Variants in CAPN13 observed in about 807,000 individuals in gnomAD.
CAPN13 encodes calpain 13.
A neutral mutation model predicts 98.4 loss-of-function variants in CAPN13; 90 were observed. The observed-to-expected ratio is 0.92, with a 90% CI of 0.77 to 1.09. The LOEUF is 1.09. Among genes scored for constraint, CAPN13 ranks in the 50% least tolerant of loss-of-function variants. The probability of loss-of-function intolerance (pLI) is 0.00; values close to 1 mark genes in which losing one functional copy is unlikely to be tolerated. For synonymous variants in CAPN13, 330 were observed against 305.5 expected (o/e 1.08, Z -0.84); for missense variants, 887 against 841.3 (o/e 1.05, Z -0.67).
rs202210498 is a variant in CAPN13, at chr2:30,758,151, A to C, written c.775-14T>G. On this transcript the variant is annotated splice_polypyrimidine_tract_variant and intron_variant, in intron 7 of 22. Transcript: ENST00000295055. ...TCGGTATTGAATCTGTAAAGAAAAC[A>C]GAAAAGGAAACTCAGTGCTCTACAG... is the stretch of plus-strand genomic sequence containing the variant. 6 of 1,575,736 alleles carry C rather than the reference A, an allele frequency of 3.8e-6. No homozygotes were observed.
At chr2:30,804,262 G>A (rs907898852) in intron 1 of CAPN13, among the ~76,000 whole-genome samples, 9 of 152,078 alleles carry the variant, frequency 5.9e-5, no homozygotes, top group Admixed American at 5.2e-4. Context: ...GTGCAGTGGC[G>A]CAACCTCGGC....
chr2:30,790,291 G>A (rs1243655304), intron 1 of CAPN13, among the ~76,000 whole-genome samples: 1 of 152,138 alleles, frequency 6.6e-6, no homozygotes, highest in Non-Finnish European at 1.5e-5. Context: ...CACTTTGCAG[G>A]GTAGCCAAAG....
chr2:30,738,320 G>C (rs370067832), intron 16 of CAPN13, 27 bp from the exon 17 acceptor site: 6 of 1,613,700 alleles, frequency 3.7e-6, no homozygotes, highest in Non-Finnish European at 5.1e-6. Context: ...AGGAAGGACT[G>C]AAGTGTTGAC....
intron 5 of CAPN13, among the ~76,000 whole-genome samples, chr2:30,764,699 A>G (rs1164951949): frequency 1.3e-5 from 2 of 152,064 alleles, no homozygotes; most frequent in African/African-American, 2.4e-5. Flanking sequence ...CCATCCCTTA[A>G]TGAGTCCTGG....
intron 1 of CAPN13, among the ~76,000 whole-genome samples, chr2:30,800,454 C>T (rs116565571): frequency 0.016 from 2,480 of 152,314 alleles, 33 homozygotes; most frequent in Non-Finnish European, 0.025. Flanking sequence ...ATGGGTTCTT[C>T]TCAGGAGACC....
At chr2:30,802,428 A>G (rs1212556359) in intron 1 of CAPN13, among the ~76,000 whole-genome samples, 2 of 151,424 alleles carry the variant, frequency 1.3e-5, no homozygotes, top group African/African-American at 4.9e-5. Flanking sequence ...AAAAAGCAAC[A>G]TGAAAAAGAA....
At chr2:30,727,907 T>C (rs890917693) in intron 22 of CAPN13, among the ~76,000 whole-genome samples, 3 of 151,968 alleles carry the variant, frequency 2.0e-5, no homozygotes, top group Non-Finnish European at 4.4e-5. Context: ...ACAACCCACA[T>C]GTCTATCAAC....
At chr2:30,782,112 C>T (rs1049373797) in intron 2 of CAPN13, among the ~76,000 whole-genome samples, 1 of 152,140 alleles carries the variant, frequency 6.6e-6, no homozygotes, top group East Asian at 1.9e-4. Flanking sequence ...AGAAAATACG[C>T]TCTCTGATGT....
chr2:30,757,530 C>T (rs555920487), intron 8 of CAPN13, among the ~76,000 whole-genome samples: 3 of 152,184 alleles, frequency 2.0e-5, no homozygotes, highest in Non-Finnish European at 2.9e-5. Flanking sequence ...GTAGATTGGA[C>T]AAAAACATCA....
chr2:30,773,271 C>T (rs1047929032), intron 4 of CAPN13, among the ~76,000 whole-genome samples: 1 of 152,158 alleles, frequency 6.6e-6, no homozygotes, highest in Non-Finnish European at 1.5e-5. Context: ...GGAAAGGAAA[C>T]GTGATCCAAG....
intron 5 of CAPN13, among the ~76,000 whole-genome samples, chr2:30,767,220 C>T (rs569492817): frequency 1.3e-4 from 20 of 152,314 alleles, no homozygotes; most frequent in Admixed American, 5.2e-4. Context: ...GGCTCACAGA[C>T]GTCCTCTCTG....
intron 22 of CAPN13, among the ~76,000 whole-genome samples, chr2:30,724,319 C>G (rs1213329113): frequency 1.3e-5 from 2 of 152,200 alleles, no homozygotes; most frequent in Admixed American, 6.5e-5. Context: ...CATTATCCTA[C>G]TAATTCTTCC....
intron 4 of CAPN13, among the ~76,000 whole-genome samples, chr2:30,771,822 CTG>C (rs1673427197): frequency 6.6e-6 from 1 of 152,206 alleles, no homozygotes; most frequent in African/African-American, 2.4e-5. Context: ...GTTTTCTCAT[CTG>C]TCAAATGGCA....
chr2:30,731,254 A>G, intron 21 of CAPN13, 90 bp downstream of exon 21: 2 of 1,215,980 alleles, frequency 1.6e-6, no homozygotes, highest in African/African-American at 1.5e-5. Context: ...AGACCGTTCA[A>G]TATCCTCAGG....
chr2:30,780,885 G>A (rs145461503), intron 2 of CAPN13, among the ~76,000 whole-genome samples: 129 of 152,338 alleles, frequency 8.5e-4, no homozygotes, highest in African/African-American at 2.9e-3. Flanking sequence ...AAAGATGGCT[G>A]GGAAAATGTG....
intron 7 of CAPN13, among the ~76,000 whole-genome samples, chr2:30,759,587 C>T (rs1027474734): frequency 6.6e-6 from 1 of 152,180 alleles, no homozygotes; most frequent in Non-Finnish European, 1.5e-5. Context: ...AATAGACTAT[C>T]GCTGTGTGGA....
chr2:30,769,653 A>G (rs1673293388), intron 5 of CAPN13, among the ~76,000 whole-genome samples: 1 of 152,146 alleles, frequency 6.6e-6, no homozygotes, highest in African/African-American at 2.4e-5. Context: ...AAGCAACCCA[A>G]AGAATCTAAG....
intron 1 of CAPN13, among the ~76,000 whole-genome samples, chr2:30,804,999 T>C (rs1471656657): frequency 6.6e-6 from 1 of 152,170 alleles, no homozygotes; most frequent in African/African-American, 2.4e-5. Flanking sequence ...CCTCAACCTG[T>C]CTCTAGGACT....
intron 5 of CAPN13, among the ~76,000 whole-genome samples, chr2:30,767,380 GCCAGGT>G (rs1673165515): frequency 6.6e-6 from 1 of 152,304 alleles, no homozygotes; most frequent in South Asian, 2.1e-4. Context: ...GAATGCGGAT[GCCAGGT>G]CCACGTTCCT....
Sources: gnomAD v4.1 joint callset for allele counts (sites outside exome capture counted in the v4.1 genomes callset) on GRCh38, gnomAD v4.1.1 for gene constraint, MANE v1.5 for transcripts, NCBI Gene and HGNC (gene_info 2026-07-23, HGNC 2026-07-21) for gene names.